The following PVT1 variants were observed in gnomAD, a reference collection of about 807,000 sequenced individuals.
PVT1 encodes Pvt1 oncogene, also known as CXCR4/PVT1 fusion.
At chr8:128,059,498 G>A (rs1563677571) in intron 4 of PVT1, among the ~76,000 whole-genome samples, 2 of 152,194 alleles carry the variant, frequency 1.3e-5, no homozygotes, top group Non-Finnish European at 2.9e-5. Context: ...TGTGATATAT[G>A]AAAATTACAT....
chr8:127,810,089 C>T (rs1006527931), intron 2 of PVT1, among the ~76,000 whole-genome samples: 1 of 152,174 alleles, frequency 6.6e-6, no homozygotes, highest in Non-Finnish European at 1.5e-5. Flanking sequence ...AGAAGCATGC[C>T]CTCTGGAAAG....
At chr8:127,817,894 G>A (rs1158808490) in intron 2 of PVT1, among the ~76,000 whole-genome samples, 4 of 152,036 alleles carry the variant, frequency 2.6e-5, no homozygotes, top group African/African-American at 9.7e-5. Flanking sequence ...GATCCGGCAT[G>A]TGTAGAGATT....
At chr8:127,977,717 G>T (rs1057437642) in intron 3 of PVT1, among the ~76,000 whole-genome samples, 1 of 137,356 alleles carries the variant, frequency 7.3e-6, no homozygotes. Flanking sequence ...CCTCGGCAAC[G>T]AAGCCAGACT....
chr8:127,920,949 G>A (rs968939515), intron 3 of PVT1, among the ~76,000 whole-genome samples: 6 of 152,146 alleles, frequency 3.9e-5, no homozygotes, highest in South Asian at 4.1e-4. Context: ...TCTAGTCAGC[G>A]TGCCAAAAAA....
chr8:127,930,117 A>C (rs1586441160), intron 3 of PVT1, among the ~76,000 whole-genome samples: 1 of 152,194 alleles, frequency 6.6e-6, no homozygotes, highest in Non-Finnish European at 1.5e-5. Context: ...ACAAATAACA[A>C]TAATTAAAAA....
chr8:127,806,407 A>G (rs922588105), intron 2 of PVT1, among the ~76,000 whole-genome samples: 4 of 152,110 alleles, frequency 2.6e-5, no homozygotes, highest in South Asian at 2.1e-4. Flanking sequence ...GTTGCAGTGA[A>G]CCCAGATCTT....
intron 2 of PVT1, among the ~76,000 whole-genome samples, chr8:127,816,845 A>T (rs1245491493): frequency 6.6e-6 from 1 of 152,154 alleles, no homozygotes; most frequent in Non-Finnish European, 1.5e-5. Flanking sequence ...CAGAAATTCC[A>T]TGCTGCCTTC....
chr8:128,050,775 C>G (rs2720662), intron 4 of PVT1, among the ~76,000 whole-genome samples: 1 of 151,990 alleles, frequency 6.6e-6, no homozygotes. Context: ...TGGGGCTTGA[C>G]TTGTCAGATA....
At chr8:128,019,240 C>T (rs1817406916) in intron 4 of PVT1, among the ~76,000 whole-genome samples, 1 of 152,196 alleles carries the variant, frequency 6.6e-6, no homozygotes, top group African/African-American at 2.4e-5. Context: ...TAATTTTTTA[C>T]ATCTGGGAGA....
intron 3 of PVT1, among the ~76,000 whole-genome samples, chr8:127,910,603 T>C (rs1224970075): frequency 2.0e-5 from 3 of 152,202 alleles, no homozygotes; most frequent in Admixed American, 2.0e-4. Context: ...TGATAATAAT[T>C]AGATTAGTAA....
intron 4 of PVT1, among the ~76,000 whole-genome samples, chr8:128,069,245 C>T (rs1813951653): frequency 6.6e-6 from 1 of 152,210 alleles, no homozygotes; most frequent in Non-Finnish European, 1.5e-5. Context: ...ATAATAAGAG[C>T]ATGACAGCTT....
chr8:127,799,619 C>G (rs927634373), intron 2 of PVT1, among the ~76,000 whole-genome samples: 1 of 150,898 alleles, frequency 6.6e-6, no homozygotes, highest in Non-Finnish European at 1.5e-5. Flanking sequence ...GAGTGTAGAT[C>G]TGGTTACTTT....
intron 5 of PVT1, among the ~76,000 whole-genome samples, chr8:128,072,781 C>T (rs1213842456): frequency 6.6e-6 from 1 of 151,898 alleles, no homozygotes; most frequent in African/African-American, 2.4e-5. Flanking sequence ...CGAGACATTC[C>T]CTTACCACAT....
intron 4 of PVT1, among the ~76,000 whole-genome samples, chr8:128,029,539 C>T (rs965748422): frequency 2.0e-5 from 3 of 152,112 alleles, no homozygotes; most frequent in African/African-American, 7.2e-5. Flanking sequence ...CGGTGGCTCA[C>T]GCCTGTAATC....
At chr8:128,014,315 C>T (rs751262772) in intron 4 of PVT1, among the ~76,000 whole-genome samples, 2 of 152,184 alleles carry the variant, frequency 1.3e-5, no homozygotes, top group Admixed American at 6.5e-5. Context: ...TGAGGGTCTC[C>T]CTCAATGCTC....
chr8:127,847,314 C>T (rs1285140462), intron 2 of PVT1, among the ~76,000 whole-genome samples: 1 of 152,260 alleles, frequency 6.6e-6, no homozygotes. Flanking sequence ...GTATAATACA[C>T]ATGTTGTTGA....
intron 4 of PVT1, among the ~76,000 whole-genome samples, chr8:128,050,631 C>T (rs528402422): frequency 6.6e-6 from 1 of 152,298 alleles, no homozygotes; most frequent in Admixed American, 6.5e-5. Flanking sequence ...GACCTCAGCT[C>T]CAACAGTTGC....
intron 4 of PVT1, among the ~76,000 whole-genome samples, chr8:128,034,452 C>G (rs754282212): frequency 1.9e-4 from 29 of 152,218 alleles, no homozygotes; most frequent in Non-Finnish European, 2.9e-4. Context: ...GGGCTTCGCT[C>G]TGGTCCAGAA....
intron 2 of PVT1, among the ~76,000 whole-genome samples, chr8:127,837,968 G>A (rs1201446531): frequency 6.6e-6 from 1 of 151,662 alleles, no homozygotes; most frequent in Non-Finnish European, 1.5e-5. Flanking sequence ...TGCAATCTCG[G>A]CTCACTGCAA....
Sources: allele counts gnomAD v4.1 joint callset (sites outside exome capture counted in the v4.1 genomes callset), GRCh38; gene constraint gnomAD v4.1.1; transcripts MANE v1.5; gene names NCBI Gene and HGNC (gene_info 2026-07-23, HGNC 2026-07-21).